Variants in ZUP1 observed in about 807,000 individuals in gnomAD.
The protein encoded by ZUP1 is zinc finger containing ubiquitin peptidase 1.
A neutral mutation model predicts 68.1 loss-of-function variants in ZUP1; 55 were observed. The ratio of observed to expected loss-of-function variants is 0.81; its 90% CI spans 0.65 to 1.01. The LOEUF is 1.01. ZUP1 is among the 50% of genes least tolerant of loss of function. The pLI is 0.00. For missense variants in ZUP1, 684 were observed against 674.9 expected, an observed-to-expected ratio of 1.01 and a Z score of -0.15; for synonymous variants, 223 against 221.5, an observed-to-expected ratio of 1.01 and a Z score of -0.06.
At chr6:116,651,513 T>C in intron 7 of ZUP1, 59 bp downstream of exon 7, 1 of 1,442,456 alleles carries the variant, frequency 6.9e-7, no homozygotes, top group Non-Finnish European at 9.3e-7. Context: ...AAATAAAATT[T>C]TACAAAACAA....
chr6:116,645,955 T>C (rs765998508), intron 8 of ZUP1, 21 bp from the exon 9 acceptor site: 5 of 1,532,702 alleles, frequency 3.3e-6, no homozygotes. Context: ...ATTTTTAAGT[T>C]ATACATACGT....
rs112787600 is a variant in ZUP1, at chr6:116,656,765, G to A, written c.880C>T (p.Pro294Ser). Residue 294 changes from proline (P) to serine (S), a missense_variant, in exon 5 of 10, where the codon CCA becomes TCA. Transcript: ENST00000368576. Reference sequence around the variant, plus strand: ...GCTTTTCTCCTATGAAATTCAGATGGAGGCATTCTTCCCCTATTTACTTCT... The same window carrying A: ...GCTTTTCTCCTATGAAATTCAGATGAAGGCATTCTTCCCCTATTTACTTCT... ...EIEVNRGRMP[P>S]SEFHRRKADM... The A allele has an allele frequency of 1.2e-6, 2 of 1,612,348 alleles. No homozygotes were observed. The highest frequency in any genetic ancestry group is 1.7e-5 in the Admixed American group (1 of 59,912).
chr6:116,662,261 G>A (rs971116195), intron 2 of ZUP1, among the ~76,000 whole-genome samples: 21 of 152,178 alleles, frequency 1.4e-4, no homozygotes, highest in Non-Finnish European at 2.6e-4. Context: ...CCAATGCCAA[G>A]GAGGCCTTTG....
chr6:116,661,676 C>A (rs764997284), intron 2 of ZUP1, among the ~76,000 whole-genome samples: 1 of 152,166 alleles, frequency 6.6e-6, no homozygotes, highest in Non-Finnish European at 1.5e-5. Context: ...AGAAGAGGGA[C>A]CCAGAATTGT....
intron 9 of ZUP1, among the ~76,000 whole-genome samples, chr6:116,639,333 C>G (rs1474199925): frequency 6.6e-6 from 1 of 152,236 alleles, no homozygotes; most frequent in South Asian, 2.1e-4. Context: ...TTGAGGAGAG[C>G]AGTGGTTCCC....
At chr6:116,651,519 A>C (rs1776490958) in intron 7 of ZUP1, 53 bp downstream of exon 7, 1 of 1,470,376 alleles carries the variant, frequency 6.8e-7, no homozygotes, top group African/African-American at 1.4e-5. Context: ...AATTTTACAA[A>C]ACAAAGCTCC....
intron 9 of ZUP1, among the ~76,000 whole-genome samples, chr6:116,644,019 G>A (rs1348006441): frequency 6.6e-6 from 1 of 152,168 alleles, no homozygotes; most frequent in East Asian, 1.9e-4. Flanking sequence ...CCATGAAAAA[G>A]TGGGCAAACG....
intron 9 of ZUP1, among the ~76,000 whole-genome samples, chr6:116,637,862 A>G (rs768968813): frequency 1.3e-5 from 2 of 152,174 alleles, no homozygotes; most frequent in African/African-American, 2.4e-5. Flanking sequence ...TGGGAGTTCA[A>G]CATCAGCCTG....
chr6:116,648,443 C>G (rs774748707), intron 7 of ZUP1, among the ~76,000 whole-genome samples: 1 of 152,154 alleles, frequency 6.6e-6, no homozygotes, highest in Non-Finnish European at 1.5e-5. Context: ...CAGTTGGTTA[C>G]TGGGTTTTAA....
chr6:116,657,452 A>G (rs558666902), intron 4 of ZUP1, among the ~76,000 whole-genome samples: 2 of 152,196 alleles, frequency 1.3e-5, no homozygotes, highest in Non-Finnish European at 2.9e-5. Flanking sequence ...AACTTTTTGT[A>G]TTGATCATGT....
intron 7 of ZUP1, among the ~76,000 whole-genome samples, chr6:116,651,219 T>C (rs528714936): frequency 6.6e-6 from 1 of 152,338 alleles, no homozygotes; most frequent in Non-Finnish European, 1.5e-5. Context: ...AATCTGACTT[T>C]ATAAAATGAT....
At chr6:116,638,529 A>T (rs1186126866) in intron 9 of ZUP1, among the ~76,000 whole-genome samples, 1 of 152,332 alleles carries the variant, frequency 6.6e-6, no homozygotes, top group Admixed American at 6.5e-5. Flanking sequence ...AAGTGCATAA[A>T]ATAGAGCCTT....
At chr6:116,640,651 C>T (rs1333860681) in intron 9 of ZUP1, among the ~76,000 whole-genome samples, 2 of 151,978 alleles carry the variant, frequency 1.3e-5, no homozygotes, top group Non-Finnish European at 2.9e-5. Context: ...GAGATTTTGT[C>T]ACCACCAGGC....
intron 6 of ZUP1, 49 bp downstream of exon 6, chr6:116,651,952 TATC>T: frequency 6.4e-7 from 1 of 1,564,472 alleles, no homozygotes; most frequent in South Asian, 1.2e-5. Context: ...TATCATTCTA[TATC>T]ATATGTATTT....
chr6:116,648,809 GAA>G (rs558282109), intron 7 of ZUP1, among the ~76,000 whole-genome samples: 2 of 144,254 alleles, frequency 1.4e-5, no homozygotes. Context: ...TAAAAATGCA[GAA>G]AAAAAAAAAT....
chr6:116,652,168 T>C lies in ZUP1; in HGVS notation c.986A>G (p.Tyr329Cys). 2 of 1,613,772 alleles carry C rather than the reference T, an allele frequency of 1.2e-6. No homozygotes were observed. Among genetic ancestry groups the C allele is most frequent in the Non-Finnish European group, 1.7e-6 (2 of 1,179,806 alleles). ...TSGIIEALHR[Y>C]YQNAATDVRR... is the part of the protein sequence containing the mutation. ...CACATCTGTGGCAGCATTCTGATAA[T>C]ACCTATGAAGTGCTTCAATAATTCC... Residue 329 changes from tyrosine to cysteine, a missense_variant, in exon 6 of 10, where the codon TAT (tyrosine) becomes TGT (cysteine). Transcript: ENST00000368576.
At position 116,652,025 on chromosome 6, in the gene ZUP1, C is replaced by T; in HGVS notation, c.1129G>A (p.Ala377Thr). 2 of 1,613,866 alleles carry T rather than the reference C, an allele frequency of 1.2e-6. No individual in the cohort carries two copies. Among genetic ancestry groups the T allele is most frequent in the Non-Finnish European group, 1.7e-6 (2 of 1,179,844 alleles). Residue 377 changes from alanine (A) to threonine (T), a missense_variant, in exon 6 of 10, where the codon GCT (alanine) becomes ACT (threonine). Coordinates refer to ENST00000368576, the MANE Select transcript of ZUP1 (RefSeq NM_145062.3). The part of the protein sequence containing the change: ...MLLSSLLQND[A>T]YNDCLKGMLI... ...ATACCTTTTAAGCAATCGTTGTAAG[C>T]ATCATTTTGTAATAATGATGAAAGT...
At chr6:116,639,184 G>A (rs1375190826) in intron 9 of ZUP1, among the ~76,000 whole-genome samples, 1 of 152,258 alleles carries the variant, frequency 6.6e-6, no homozygotes, top group African/African-American at 2.4e-5. Context: ...AAGCAGCCGG[G>A]AAGCTCGAAC....
chr6:116,646,818 C>T (rs773407365), intron 8 of ZUP1, among the ~76,000 whole-genome samples: 6 of 152,288 alleles, frequency 3.9e-5, no homozygotes, highest in Non-Finnish European at 7.4e-5. Flanking sequence ...TCAAGCAATC[C>T]TCCTGCTTTG....
Sources: allele counts gnomAD v4.1 joint callset (sites outside exome capture counted in the v4.1 genomes callset), GRCh38; gene constraint gnomAD v4.1.1; transcripts MANE v1.5; gene names NCBI Gene and HGNC (gene_info 2026-07-23, HGNC 2026-07-21).